ULK4: variants seen among roughly 807,000 people sequenced by gnomAD.
The protein encoded by ULK4 is inactive serine/threonine-protein kinase ULK4.
Under a neutral mutation model 160.6 loss-of-function variants are expected in ULK4, and 133 were observed. The observed-to-expected ratio is 0.83, with a 90% CI of 0.72 to 0.96. The LOEUF (loss-of-function observed/expected upper bound fraction) is 0.96. ULK4 is among the 40% of genes least tolerant of loss of function. The pLI, the probability that ULK4 is intolerant of heterozygous loss-of-function variation, is 0.00. For synonymous variants in ULK4, 534 were observed against 539.8 expected (o/e 0.99, Z 0.15); for missense variants, 1,580 against 1,499.5 (o/e 1.05, Z -0.89).
chr3:41,428,890 A>C (rs950542097), intron 34 of ULK4, among the ~76,000 whole-genome samples: 1 of 152,218 alleles, frequency 6.6e-6, no homozygotes, highest in African/African-American at 2.4e-5. Context: ...TATTGCAACA[A>C]AGGAAAATTG....
chr3:41,425,374 T>C (rs2082754983), intron 34 of ULK4, among the ~76,000 whole-genome samples: 1 of 152,142 alleles, frequency 6.6e-6, no homozygotes, highest in Admixed American at 6.5e-5. Context: ...GGAAACATAC[T>C]TCCAGATATC....
chr3:41,439,466 A>C (rs1322272145), intron 34 of ULK4, among the ~76,000 whole-genome samples: 3 of 152,230 alleles, frequency 2.0e-5, no homozygotes, highest in African/African-American at 7.2e-5. Flanking sequence ...CCCAGAAAGA[A>C]ATGAAAATAA....
intron 32 of ULK4, among the ~76,000 whole-genome samples, chr3:41,521,071 C>T (rs2085915141): frequency 6.6e-6 from 1 of 152,122 alleles, no homozygotes; most frequent in Non-Finnish European, 1.5e-5. Context: ...TTCTAAGACC[C>T]TAGGGAACAA....
At position 41,911,448 on chromosome 3, in the gene ULK4, C is replaced by T. The variant is rs373723459; in HGVS notation, c.1016-62G>A. ...CAAAAATATCATATGCAAGGCATAA[C>T]GTACACAAAGATTTAAAGGGACATA... On this transcript the variant is annotated intron_variant, in intron 10 of 36. Transcript: ENST00000301831. The T allele has an allele frequency of 1.0e-4, 167 of 1,591,674 alleles. No individual in the cohort carries two copies. In the African/African-American group the frequency reaches 1.4e-3, roughly 13 times the overall value.
At chr3:41,305,474 G>C (rs1007021604) in intron 35 of ULK4, among the ~76,000 whole-genome samples, 1 of 152,208 alleles carries the variant, frequency 6.6e-6, no homozygotes, top group Non-Finnish European at 1.5e-5. Context: ...CGCCAGCCTC[G>C]GCCTCCCGAG....
chr3:41,770,357 C>A (rs1214119555), intron 21 of ULK4, among the ~76,000 whole-genome samples: 2 of 152,104 alleles, frequency 1.3e-5, no homozygotes, highest in African/African-American at 4.8e-5. Context: ...GCCCTCAGTC[C>A]TTCATGCTTT....
chr3:41,739,117 T>C (rs920838379), intron 22 of ULK4, among the ~76,000 whole-genome samples: 6 of 151,938 alleles, frequency 3.9e-5, no homozygotes, highest in Non-Finnish European at 1.5e-5. Context: ...GAGTTACTTA[T>C]CGTTAATCTG....
chr3:41,352,816 G>C (rs576335107), intron 35 of ULK4, among the ~76,000 whole-genome samples: 1 of 152,338 alleles, frequency 6.6e-6, no homozygotes, highest in African/African-American at 2.4e-5. Flanking sequence ...AGATGATTCA[G>C]AGGGCCTAAC....
intron 2 of ULK4, among the ~76,000 whole-genome samples, chr3:41,949,687 G>C (rs995623371): frequency 2.0e-5 from 3 of 149,454 alleles, no homozygotes. Context: ...CCCCCTCCTC[G>C]GCCACTCAAA....
intron 2 of ULK4, 59 bp from the exon 3 acceptor site, chr3:41,938,256 G>A (rs1174077343): frequency 3.8e-6 from 5 of 1,303,260 alleles, no homozygotes; most frequent in East Asian, 2.3e-5. Flanking sequence ...TACATCTACT[G>A]AGAAAAACCT....
In ULK4 at chr3:41,896,907, G is replaced by A. The variant is rs1698178862; in HGVS notation, c.1445C>T (p.Ser482Phe). Reference sequence around the variant, plus strand: ...GCAAAGGAGATTCAGCTTGGCTCGGGAGGCCCCCATGCTCTTCTCAGTGGA... The same window carrying A: ...GCAAAGGAGATTCAGCTTGGCTCGGAAGGCCCCCATGCTCTTCTCAGTGGA... ...IDSTEKSMGA[S>F]RAKLNLLCYL... is the part of the protein sequence containing the mutation. The change falls in exon 15 of 37, where the codon TCC becomes TTC. Residue 482 changes from serine to phenylalanine, a missense_variant. Coordinates refer to ENST00000301831, the MANE Select transcript of ULK4 (RefSeq NM_017886.4). 1 of 1,613,406 alleles carries A rather than the reference G, an allele frequency of 6.2e-7. No individual in the cohort carries two copies. The highest frequency in any genetic ancestry group is 8.5e-7 in the Non-Finnish European group (1 of 1,179,874).
intron 22 of ULK4, among the ~76,000 whole-genome samples, chr3:41,735,939 G>A (rs1197977184): frequency 6.8e-6 from 1 of 147,624 alleles, no homozygotes; most frequent in Non-Finnish European, 1.5e-5. Flanking sequence ...AGAATATGCG[G>A]TGTTTGGTTT....
At position 41,892,336 on chromosome 3, in the gene ULK4, A is replaced by G. The variant is rs185087449; in HGVS notation, c.1577+3182T>C. On this transcript the variant is annotated intron_variant, in intron 16 of 36. Transcript: ENST00000301831. ...GTCACAAAATACAAATCAAAACTGT[A>G]AGATACTACTTCACACCCATCAGGA... Among the ~76,000 whole-genome samples, 248 of 152,362 alleles carry G rather than the reference A, an allele frequency of 1.6e-3. 3 individuals are homozygous for G. The highest frequency in any genetic ancestry group is 0.015 in the Admixed American group (228 of 15,306).
At chr3:41,496,313 C>T (rs766548107) in intron 32 of ULK4, among the ~76,000 whole-genome samples, 2 of 152,082 alleles carry the variant, frequency 1.3e-5, no homozygotes, top group Admixed American at 6.5e-5. Flanking sequence ...ACTAGTCCTT[C>T]TATCATAAAC....
At chr3:41,466,892 T>C (rs973253858) in intron 32 of ULK4, among the ~76,000 whole-genome samples, 1 of 152,058 alleles carries the variant, frequency 6.6e-6, no homozygotes, top group Admixed American at 6.6e-5. Flanking sequence ...TAAAAATGGG[T>C]AAAATATGTG....
chr3:41,849,086 T>C (rs1478944415), intron 17 of ULK4, among the ~76,000 whole-genome samples: 1 of 152,176 alleles, frequency 6.6e-6, no homozygotes, highest in African/African-American at 2.4e-5. Context: ...CCTGGAGTGC[T>C]GAGGTTAGCT....
At chr3:41,376,056 A>C (rs1575485069) in intron 35 of ULK4, among the ~76,000 whole-genome samples, 1 of 150,714 alleles carries the variant, frequency 6.6e-6, no homozygotes, top group Admixed American at 6.6e-5. Flanking sequence ...TGGTCATTAG[A>C]GAAATGCAAA....
chr3:41,332,037 G>C (rs1559528596), intron 35 of ULK4, among the ~76,000 whole-genome samples: 1 of 152,122 alleles, frequency 6.6e-6, no homozygotes. Context: ...ATGTGAAATT[G>C]TATAGGCTGT....
intron 32 of ULK4, among the ~76,000 whole-genome samples, chr3:41,550,843 T>C (rs1359176375): frequency 3.9e-5 from 6 of 152,038 alleles, no homozygotes; most frequent in African/African-American, 1.4e-4. Context: ...GTTCTTCTCA[T>C]CAGCACATTA....
Sources: gnomAD v4.1 joint callset for allele counts (sites outside exome capture counted in the v4.1 genomes callset) on GRCh38, gnomAD v4.1.1 for gene constraint, MANE v1.5 for transcripts, NCBI Gene and HGNC (gene_info 2026-07-23, HGNC 2026-07-21) for gene names.